Variants in GGA3 observed in about 807,000 individuals in gnomAD.
GGA3 encodes ADP-ribosylation factor-binding protein GGA3.
Under a neutral mutation model 77.5 loss-of-function variants are expected in GGA3, and 57 were observed. The ratio of observed to expected loss-of-function variants is 0.74; its 90% CI spans 0.59 to 0.92. The LOEUF is 0.92. GGA3 is among the 40% of genes least tolerant of loss of function. The pLI, the probability that GGA3 is intolerant of heterozygous loss-of-function variation, is 0.00. For synonymous variants in GGA3, 416 were observed against 383.7 expected, an observed-to-expected ratio of 1.08 and a Z score of -0.98; for missense variants, 970 against 914.9, an observed-to-expected ratio of 1.06 and a Z score of -0.78.
chr17:75,238,532 G>A (rs1463322902), intron 16 of GGA3, 120 bp downstream of exon 16: 2 of 964,946 alleles, frequency 2.1e-6, no homozygotes, highest in East Asian at 2.4e-5. Context: ...ACCTAAGGCA[G>A]CAAAGGGATG....
upstream of GGA3, chr17:75,261,841 C>A: frequency 1.9e-6 from 3 of 1,551,488 alleles, no homozygotes; most frequent in Non-Finnish European, 2.6e-6. Context: ...TCACCCGTTT[C>A]CCGTCACTCG....
chr17:75,247,305 C>G (rs1364073651), intron 1 of GGA3, among the ~76,000 whole-genome samples: 1 of 151,660 alleles, frequency 6.6e-6, no homozygotes, highest in Non-Finnish European at 1.5e-5. Context: ...TCTTGTTGCC[C>G]AGGCTGTAGT....
chr17:75,242,350 T>C lies in GGA3; in HGVS notation c.733A>G (p.Arg245Gly), dbSNP rs2076588197. The C allele has an allele frequency of 6.2e-7, 1 of 1,614,214 alleles. No homozygotes were observed. The highest frequency in any genetic ancestry group is 8.5e-7 in the Non-Finnish European group (1 of 1,180,018). Reference sequence around the variant, plus strand: ...GGCGGTCCCACCTTCATCAGCTCTCTGTCCCCGTCCGAAGAGTCCTCCTGG... The same window carrying C: ...GGCGGTCCCACCTTCATCAGCTCTCCGTCCCCGTCCGAAGAGTCCTCCTGG... ...YSQEDSSDGD[R>G]ELMKELFDQC... The change falls in exon 8 of 17, where the codon AGA (arginine) becomes GGA (glycine). Residue 245 changes from arginine to glycine, a missense_variant. Transcript: ENST00000537686.
chr17:75,242,483 T>G lies in GGA3; in HGVS notation c.610-10A>C. 1 of 1,614,148 alleles carries G rather than the reference T, an allele frequency of 6.2e-7. No homozygotes were observed. The highest frequency in any genetic ancestry group is 1.3e-5 in the African/African-American group (1 of 75,054). On this transcript the variant is annotated splice_polypyrimidine_tract_variant and intron_variant, in intron 7 of 16. Transcript: ENST00000537686. ...GGATCCGTGCCTCGTCCTGCCCCAG[T>G]GAAGAAGTTCAAGAGAAAGAGAGCG...
intron 10 of GGA3, 132 bp downstream of exon 10, chr17:75,241,268 G>A: frequency 1.3e-6 from 1 of 774,794 alleles, no homozygotes; most frequent in Non-Finnish European, 2.2e-6. Flanking sequence ...CCGGAGGATT[G>A]CTTGGAATGG....
chr17:75,253,371 A>C (rs1305439167), intron 1 of GGA3, among the ~76,000 whole-genome samples: 1 of 152,242 alleles, frequency 6.6e-6, no homozygotes, highest in Non-Finnish European at 1.5e-5. Flanking sequence ...CGCTGGTCAC[A>C]GACTGGGAAG....
At chr17:75,249,078 C>G (rs1292650613) in intron 1 of GGA3, 1 of 848,100 alleles carries the variant, frequency 1.2e-6, no homozygotes, top group Non-Finnish European at 1.4e-6. Flanking sequence ...TTGAGTCTCG[C>G]TGTGTCACCC....
At chr17:75,254,170 C>A (rs1426161070) in intron 1 of GGA3, among the ~76,000 whole-genome samples, 1 of 152,116 alleles carries the variant, frequency 6.6e-6, no homozygotes, top group Admixed American at 6.5e-5. Flanking sequence ...CCCCAAGTGT[C>A]GCTGGGTCTT....
chr17:75,260,992 C>G (rs1434378701), intron 1 of GGA3, among the ~76,000 whole-genome samples: 1 of 152,212 alleles, frequency 6.6e-6, no homozygotes, highest in African/African-American at 2.4e-5. Context: ...GTAGAGCTCT[C>G]TGTTCTCTAT....
chr17:75,243,693 T>G (rs1598405549), intron 4 of GGA3, 123 bp from the exon 5 acceptor site: 3 of 874,042 alleles, frequency 3.4e-6, no homozygotes, highest in South Asian at 3.3e-5. Context: ...AATCTGCAGG[T>G]GTCCAAGTGT....
At chr17:75,244,817 C>G in intron 3 of GGA3, 100 bp from the exon 4 acceptor site, 1 of 766,952 alleles carries the variant, frequency 1.3e-6, no homozygotes, top group Non-Finnish European at 2.3e-6. Context: ...TGAATAAACA[C>G]GCCCACAGGA....
chr17:75,239,819 G>C lies in GGA3; in HGVS notation c.1553C>G (p.Ala518Gly), dbSNP rs2076468726. Residue 518 changes from alanine (A) to glycine (G), a missense_variant, in exon 13 of 17, where the codon GCC becomes GGC. Physicochemically the swap from Ala to Gly is moderately conservative, Grantham distance 60. Coordinates refer to ENST00000537686, the MANE Select transcript of GGA3 (RefSeq NM_138619.4). ...GGCCTCTTCTAGAAGCTGATCGAGGGCATCCAGGTGGTGCAGCGCGCTGTT... is the reference window on the plus strand; with the variant it reads ...GGCCTCTTCTAGAAGCTGATCGAGGCCATCCAGGTGGTGCAGCGCGCTGTT... ...LGNSALHHLD[A>G]LDQLLEEAKV... 1 of 1,613,860 alleles carries C rather than the reference G, an allele frequency of 6.2e-7. No individual in the cohort carries two copies. The highest frequency in any genetic ancestry group is 8.5e-7 in the Non-Finnish European group (1 of 1,180,038).
rs1366742693 is a variant in GGA3 at position 75,241,620 on chromosome 17, C to T, written c.824G>A (p.Ser275Asn). The T allele has an allele frequency of 6.2e-7, 1 of 1,614,044 alleles. No homozygotes were observed. ...LASETEDNDN[S>N]LGDILQASDN... ...ACCGTCGCTCTTTCACTCACCCAAA[C>T]TGTTATCATTGTCCTCAGTCTCACT... is the stretch of plus-strand genomic sequence containing the variant. Residue 275 changes from serine to asparagine, a missense_variant, in exon 9 of 17, where the codon AGT becomes AAT. Physicochemically the swap from Ser to Asn is conservative, Grantham distance 46 (BLOSUM62 1). Coordinates refer to ENST00000537686, the MANE Select transcript of GGA3 (RefSeq NM_138619.4).
rs768623609 is a variant in GGA3 at position 75,244,609 on chromosome 17, G to A, written c.300+10C>T. ...AGTCCCTAAAAGCGAGGAATCTGCC[G>A]CTGACTGACCTTTGGAGAGACGACT... On this transcript the variant is annotated intron_variant, in intron 4 of 16. Coordinates refer to ENST00000537686, the MANE Select transcript of GGA3 (RefSeq NM_138619.4). 6.3e-6 allele frequency: 10 copies of A among 1,574,974 alleles called. No individual in the cohort carries two copies. The highest frequency in any genetic ancestry group is 5.0e-5 in the Admixed American group (3 of 59,954).
intron 1 of GGA3, among the ~76,000 whole-genome samples, chr17:75,247,042 T>C (rs1158274658): frequency 6.6e-6 from 1 of 151,824 alleles, no homozygotes; most frequent in African/African-American, 2.4e-5. Context: ...ACAAATTCTG[T>C]CTCATGAAGC....
intron 3 of GGA3, 130 bp from the exon 4 acceptor site, chr17:75,244,847 C>A: frequency 1.5e-6 from 1 of 685,756 alleles, no homozygotes; most frequent in Non-Finnish European, 2.6e-6. Flanking sequence ...TCACGAAAAG[C>A]AGTGTGCACT....
At chr17:75,243,397 G>A (rs766282239) in intron 5 of GGA3, 50 bp downstream of exon 5, 1 of 1,609,434 alleles carries the variant, frequency 6.2e-7, no homozygotes. Context: ...CTCCTTGCCT[G>A]GGCCAGCCTT....
intron 1 of GGA3, among the ~76,000 whole-genome samples, chr17:75,259,216 C>G (rs956383140): frequency 6.6e-6 from 1 of 152,074 alleles, no homozygotes; most frequent in Non-Finnish European, 1.5e-5. Flanking sequence ...GGCCTCCCAA[C>G]GTGCTGGGAT....
chr17:75,242,566 A>G (rs2145504273), intron 7 of GGA3, 93 bp from the exon 8 acceptor site: 1 of 1,459,788 alleles, frequency 6.9e-7, no homozygotes, highest in Non-Finnish European at 9.5e-7. Context: ...ACACAAGTAC[A>G]GACGCTCGGA....
Sources: allele counts gnomAD v4.1 joint callset (sites outside exome capture counted in the v4.1 genomes callset), GRCh38; gene constraint gnomAD v4.1.1; transcripts MANE v1.5; gene names NCBI Gene and HGNC (gene_info 2026-07-23, HGNC 2026-07-21).